Variants in SLC39A12 observed in about 807,000 individuals in gnomAD.
The protein encoded by SLC39A12 is zinc transporter ZIP12.
Under a neutral mutation model 71.1 loss-of-function variants are expected in SLC39A12, and 63 were observed. The ratio of observed to expected loss-of-function variants is 0.89; its 90% CI spans 0.72 to 1.09. The LOEUF is 1.09. Ranked by LOEUF, SLC39A12 falls within the 50% of genes least tolerant of loss-of-function variation. SLC39A12 has a pLI of 0.00. For missense variants in SLC39A12, 892 were observed against 812.6 expected, an observed-to-expected ratio of 1.10 and a Z score of -1.19; for synonymous variants, 351 against 301.3, an observed-to-expected ratio of 1.16 and a Z score of -1.71.
rs1024981719 is a variant in SLC39A12 at position 17,989,872 on chromosome 10, C to T, written c.1270-1279C>T. ...GGCAGAGGTTGCAGTGAGCCGAGAT[C>T]ATGCCACTGCCCTGGGCAACAGAAC... On this transcript the variant is annotated intron_variant, in intron 7 of 12. Transcript: ENST00000377369. Among the ~76,000 whole-genome samples the T allele has an allele frequency of 4.6e-5, 7 of 151,890 alleles. No homozygotes were observed. In the East Asian group the frequency reaches 1.4e-3, roughly 29 times the overall value.
intron 10 of SLC39A12, among the ~76,000 whole-genome samples, chr10:17,996,793 C>A (rs1268221393): frequency 2.0e-5 from 3 of 151,890 alleles, no homozygotes; most frequent in Non-Finnish European, 4.4e-5. Context: ...GTCAGGAGAT[C>A]GAGACCATCC....
chr10:17,993,615 T>G (rs1176432651), intron 9 of SLC39A12, among the ~76,000 whole-genome samples: 1 of 152,252 alleles, frequency 6.6e-6, no homozygotes, highest in Non-Finnish European at 1.5e-5. Context: ...CTTTGCATTC[T>G]GAGTAATCCT....
chr10:18,004,143 G>A (rs981773522), intron 12 of SLC39A12, among the ~76,000 whole-genome samples: 2 of 151,980 alleles, frequency 1.3e-5, no homozygotes, highest in African/African-American at 4.8e-5. Flanking sequence ...TCTTTTTGAA[G>A]GTCACTCTCT....
intron 4 of SLC39A12, among the ~76,000 whole-genome samples, chr10:17,976,793 A>C (rs1222704191): frequency 6.6e-6 from 1 of 152,128 alleles, no homozygotes. Context: ...TTTTGTATTT[A>C]TCTTACTTGA....
intron 12 of SLC39A12, among the ~76,000 whole-genome samples, chr10:18,013,482 C>T (rs1836291780): frequency 6.6e-6 from 1 of 151,686 alleles, no homozygotes; most frequent in Admixed American, 6.6e-5. Flanking sequence ...ATTCTCCTAC[C>T]TCAGCCTCCC....
intron 12 of SLC39A12, among the ~76,000 whole-genome samples, chr10:18,030,638 T>G (rs892483755): frequency 2.0e-5 from 3 of 151,060 alleles, no homozygotes; most frequent in African/African-American, 7.3e-5. Flanking sequence ...ATTTATTTAT[T>G]TATTTATTTA....
intron 12 of SLC39A12, among the ~76,000 whole-genome samples, chr10:18,025,442 T>A (rs1224147749): frequency 6.6e-6 from 1 of 152,156 alleles, no homozygotes; most frequent in Non-Finnish European, 1.5e-5. Flanking sequence ...GTCCATGTGT[T>A]CTCATTGTTC....
chr10:17,964,671 A>G (rs1834776968), intron 3 of SLC39A12, among the ~76,000 whole-genome samples: 1 of 152,252 alleles, frequency 6.6e-6, no homozygotes, highest in African/African-American at 2.4e-5. Context: ...GAACATGGAC[A>G]GTGTACCAGA....
chr10:17,974,474 G>A (rs1428640173), intron 4 of SLC39A12, among the ~76,000 whole-genome samples: 1 of 152,178 alleles, frequency 6.6e-6, no homozygotes, highest in African/African-American at 2.4e-5. Context: ...TTAGGATACA[G>A]ATCTGCTATA....
chr10:18,030,612 A>AT (rs1189977139), intron 12 of SLC39A12, among the ~76,000 whole-genome samples: 4 of 119,576 alleles, frequency 3.3e-5, no homozygotes, highest in African/African-American at 5.8e-5. Flanking sequence ...ATTTTATTTT[A>AT]TTTATTTATG....
chr10:17,960,343 G>A (rs942055999), intron 2 of SLC39A12, among the ~76,000 whole-genome samples: 2 of 152,120 alleles, frequency 1.3e-5, no homozygotes. Context: ...AAGGCGAAAG[G>A]CAGAGAATCC....
At chr10:17,994,108 T>C (rs1300602308) in intron 9 of SLC39A12, among the ~76,000 whole-genome samples, 1 of 152,182 alleles carries the variant, frequency 6.6e-6, no homozygotes, top group African/African-American at 2.4e-5. Flanking sequence ...CTTTATTGTA[T>C]TTATTGCTTA....
At chr10:18,041,724 T>C (rs1454202204) in intron 12 of SLC39A12, among the ~76,000 whole-genome samples, 1 of 132,868 alleles carries the variant, frequency 7.5e-6, no homozygotes, top group Non-Finnish European at 1.6e-5. Context: ...CATATGTATA[T>C]ATGTGTATAT....
chr10:18,019,810 C>T (rs371615408), intron 12 of SLC39A12, among the ~76,000 whole-genome samples: 2 of 151,978 alleles, frequency 1.3e-5, no homozygotes, highest in Non-Finnish European at 1.5e-5. Context: ...TAAGGTCAGT[C>T]TTATAGCCCA....
chr10:18,013,866 C>T (rs1164095939), intron 12 of SLC39A12, among the ~76,000 whole-genome samples: 1 of 152,132 alleles, frequency 6.6e-6, no homozygotes, highest in African/African-American at 2.4e-5. Context: ...TCTGATTATT[C>T]TAGTTTTGTA....
chr10:17,987,402 T>G, intron 6 of SLC39A12, 77 bp from the exon 7 acceptor site: 1 of 1,372,150 alleles, frequency 7.3e-7, no homozygotes, highest in South Asian at 1.3e-5. Flanking sequence ...AGACCAATTC[T>G]TCTGGCATTT....
At chr10:18,029,936 A>G (rs982625213) in intron 12 of SLC39A12, among the ~76,000 whole-genome samples, 3 of 151,774 alleles carry the variant, frequency 2.0e-5, no homozygotes, top group African/African-American at 7.3e-5. Context: ...GTGGAAAGCT[A>G]TAATTAGATA....
Position 17,953,183 on chromosome 10 carries a change from T to C in SLC39A12, c.-86-8T>C. ...AATTGAAGGCTTTATTTTTCCCCTT[T>C]ACCACAGAAATTCCTTTGGTTACAA... On this transcript the variant is annotated splice_polypyrimidine_tract_variant and splice_region_variant and intron_variant, in intron 1 of 12. Coordinates refer to ENST00000377369, the MANE Select transcript of SLC39A12 (RefSeq NM_001145195.2). 1.4e-6 allele frequency: 2 copies of C among 1,455,582 alleles called. No individual in the cohort carries two copies. Among genetic ancestry groups the C allele is most frequent in the African/African-American group, 2.8e-5 (2 of 70,398 alleles). The allele number at this position is 1,455,582 out of a possible 1,614,324, so 90.2% of individuals were successfully genotyped here. A position where few individuals can be genotyped will look rare whatever the true frequency, so the allele number is the denominator to read the frequency against.
At chr10:17,991,115 T>C in intron 7 of SLC39A12, 36 bp from the exon 8 acceptor site, 1 of 1,515,348 alleles carries the variant, frequency 6.6e-7, no homozygotes, top group Non-Finnish European at 8.8e-7. Context: ...ATCTCCATCT[T>C]TCTCTCTGCC....
Sources: gnomAD v4.1 joint callset for allele counts (sites outside exome capture counted in the v4.1 genomes callset) on GRCh38, gnomAD v4.1.1 for gene constraint, MANE v1.5 for transcripts, NCBI Gene and HGNC (gene_info 2026-07-23, HGNC 2026-07-21) for gene names.